Variants in PLCL1 observed in about 807,000 individuals in gnomAD.
The protein encoded by PLCL1 is phospholipase C like 1 (inactive).
PLCL1 carries 41 observed loss-of-function variants against 84.4 expected under a neutral mutation model. The ratio of observed to expected loss-of-function variants is 0.49; its 90% CI spans 0.38 to 0.63. The LOEUF (loss-of-function observed/expected upper bound fraction) is 0.63, where lower values mean the gene tolerates loss of function less well. PLCL1 is among the 30% of genes least tolerant of loss of function. The pLI, the probability that PLCL1 is intolerant of heterozygous loss-of-function variation, is 0.00. For missense variants in PLCL1, 1,206 were observed against 1,367.8 expected, an observed-to-expected ratio of 0.88 and a Z score of 1.87; for synonymous variants, 490 against 488.3, an observed-to-expected ratio of 1.00 and a Z score of -0.05.
At chr2:197,986,020 C>T (rs944223347) in intron 1 of PLCL1, among the ~76,000 whole-genome samples, 3 of 152,152 alleles carry the variant, frequency 2.0e-5, no homozygotes, top group Non-Finnish European at 4.4e-5. Context: ...GGACCAAAAC[C>T]TTCTGTGGTT....
chr2:197,844,430 T>C (rs140407001), intron 1 of PLCL1, among the ~76,000 whole-genome samples: 213 of 152,268 alleles, frequency 1.4e-3, no homozygotes, highest in African/African-American at 4.2e-3. Context: ...TTACCTGTAT[T>C]TTTGTGTGAA....
At chr2:198,067,379 C>T (rs1161677431) in intron 1 of PLCL1, among the ~76,000 whole-genome samples, 4 of 152,016 alleles carry the variant, frequency 2.6e-5, no homozygotes, top group Non-Finnish European at 4.4e-5. Context: ...CCACCCGCCT[C>T]GGCCTCCCAA....
At position 198,023,567 on chromosome 2, in the gene PLCL1, C is replaced by G. The variant is rs142768533; in HGVS notation, c.241-60191C>G. On this transcript the variant is annotated intron_variant, in intron 1 of 5. Transcript: ENST00000428675. ...CAAATTTACAAGAGAAAAAACAACC[C>G]CATCAAAAAGTGGGCGAAGGATATG... Among the ~76,000 whole-genome samples the G allele has an allele frequency of 9.0e-3, 1,371 of 152,164 alleles. 21 individuals are homozygous for G. The highest frequency in any genetic ancestry group is 0.031 in the African/African-American group (1,307 of 41,508).
Position 198,084,254 on chromosome 2 carries a change from C to T in PLCL1, c.737C>T (p.Thr246Ile). ...QNTPRFMWLK[T>I]VFEAADVDGN... is the part of the protein sequence containing the mutation. ...ACACCACGGTTCATGTGGTTGAAAA[C>T]AGTGTTTGAAGCAGCAGATGTTGAT... The change falls in exon 2 of 6, where the codon ACA becomes ATA. Residue 246 changes from threonine (T) to isoleucine (I), a missense_variant. Physicochemically the swap from Thr to Ile is moderately conservative, Grantham distance 89 (BLOSUM62 -1). Transcript: ENST00000428675. The T allele has an allele frequency of 6.2e-7, 1 of 1,614,098 alleles. No individual in the cohort carries two copies. Among genetic ancestry groups the T allele is most frequent in the Non-Finnish European group, 8.5e-7 (1 of 1,180,004 alleles).
At chr2:197,910,511 T>G (rs932024278) in intron 1 of PLCL1, among the ~76,000 whole-genome samples, 3 of 152,244 alleles carry the variant, frequency 2.0e-5, no homozygotes, top group Admixed American at 6.5e-5. Context: ...TGTTTATTTT[T>G]GTTTATCAGC....
At chr2:197,918,956 C>CTG (rs1688651623) in intron 1 of PLCL1, among the ~76,000 whole-genome samples, 1 of 140,606 alleles carries the variant, frequency 7.1e-6, no homozygotes, top group Non-Finnish European at 1.6e-5. Flanking sequence ...CTCTCTCTCT[C>CTG]TCTCTCTCTC....
At chr2:197,953,665 T>C (rs1689430818) in intron 1 of PLCL1, among the ~76,000 whole-genome samples, 1 of 152,090 alleles carries the variant, frequency 6.6e-6, no homozygotes, top group South Asian at 2.1e-4. Flanking sequence ...CTCTTACTTA[T>C]ATATTAATAT....
At chr2:197,975,898 C>T (rs574248096) in intron 1 of PLCL1, among the ~76,000 whole-genome samples, 4 of 152,274 alleles carry the variant, frequency 2.6e-5, no homozygotes, top group East Asian at 1.9e-4. Context: ...CCGCCTCTTA[C>T]GCCTCTGGTT....
chr2:197,912,862 T>TA (rs1320079406), intron 1 of PLCL1, among the ~76,000 whole-genome samples: 1 of 138,880 alleles, frequency 7.2e-6, no homozygotes, highest in Non-Finnish European at 1.6e-5. Flanking sequence ...GATGACGAGT[T>TA]AGTGGGTGCA....
chr2:197,862,961 C>T (rs1687459774), intron 1 of PLCL1, among the ~76,000 whole-genome samples: 2 of 152,082 alleles, frequency 1.3e-5, no homozygotes, highest in South Asian at 4.1e-4. Flanking sequence ...GCTGACATGG[C>T]AAGCCAAACA....
At chr2:198,040,041 T>C (rs1396668631) in intron 1 of PLCL1, among the ~76,000 whole-genome samples, 3 of 152,182 alleles carry the variant, frequency 2.0e-5, no homozygotes, top group African/African-American at 7.2e-5. Context: ...TTGTCCGAAG[T>C]AGGGCAATAA....
intron 1 of PLCL1, among the ~76,000 whole-genome samples, chr2:197,947,184 A>G (rs1689292766): frequency 6.6e-6 from 1 of 151,286 alleles, no homozygotes; most frequent in South Asian, 2.1e-4. Flanking sequence ...GATGACTGCT[A>G]TGAAAAAGAT....
At chr2:198,037,444 T>C (rs1310547969) in intron 1 of PLCL1, among the ~76,000 whole-genome samples, 4 of 152,232 alleles carry the variant, frequency 2.6e-5, no homozygotes, top group Non-Finnish European at 1.5e-5. Flanking sequence ...TTGTTCGACC[T>C]TGCATTTCCC....
intron 5 of PLCL1, among the ~76,000 whole-genome samples, chr2:198,113,498 G>C (rs1232990118): frequency 6.6e-6 from 1 of 151,868 alleles, no homozygotes. Context: ...TTGTCCTTAT[G>C]ATGGGTGCCT....
intron 1 of PLCL1, among the ~76,000 whole-genome samples, chr2:197,857,321 TCAC>T (rs568078871): frequency 8.8e-4 from 134 of 152,240 alleles, no homozygotes; most frequent in Middle Eastern, 3.4e-3. Context: ...TGCTTTTAAA[TCAC>T]CACCAGTACA....
intron 3 of PLCL1, among the ~76,000 whole-genome samples, chr2:198,095,942 T>C (rs867425537): frequency 2.0e-5 from 3 of 152,128 alleles, no homozygotes; most frequent in Admixed American, 6.6e-5. Context: ...TCAAGAGAAA[T>C]AGGAAAATGT....
rs957765345 is a variant in PLCL1 at position 197,858,558 on chromosome 2, T to C, written c.240+53219T>C. 3.3e-5 allele frequency among the ~76,000 whole-genome samples: 5 copies of C among 152,202 alleles called. No individual in the cohort carries two copies. In the East Asian group the frequency reaches 9.6e-4, roughly 29 times the overall value. On this transcript the variant is annotated intron_variant, in intron 1 of 5. Transcript: ENST00000428675. ...TTTGTATTATTTTCCTATTTTTATA[T>C]TATGTGTACTATTTTTCCTAATGAA...
chr2:197,981,037 T>C (rs922924232), intron 1 of PLCL1, among the ~76,000 whole-genome samples: 8 of 152,198 alleles, frequency 5.3e-5, no homozygotes, highest in African/African-American at 1.9e-4. Context: ...GTTACTTTTG[T>C]ACCAATCTAA....
intron 1 of PLCL1, among the ~76,000 whole-genome samples, chr2:198,034,003 C>A (rs1056724469): frequency 6.6e-6 from 1 of 151,280 alleles, no homozygotes; most frequent in Non-Finnish European, 1.5e-5. Flanking sequence ...TTTTTCTTTT[C>A]TTATTATTAT....
Sources: gnomAD v4.1 joint callset for allele counts (sites outside exome capture counted in the v4.1 genomes callset) on GRCh38, gnomAD v4.1.1 for gene constraint, MANE v1.5 for transcripts, NCBI Gene and HGNC (gene_info 2026-07-23, HGNC 2026-07-21) for gene names.